Variants in DNASE1 observed in about 807,000 individuals in gnomAD.
DNASE1 encodes the protein deoxyribonuclease-1.
Under a neutral mutation model 33.9 loss-of-function variants are expected in DNASE1, and 40 were observed. That is an observed-to-expected ratio of 1.18 (90% CI 0.92 to 1.54). DNASE1 has a LOEUF of 1.54. Among genes scored for constraint, DNASE1 ranks in the 40% most tolerant of loss-of-function variants. The pLI is 0.00. For missense variants in DNASE1, 518 were observed against 372.6 expected (o/e 1.39, Z -3.21); for synonymous variants, 216 against 160.0 (o/e 1.35, Z -2.64).
intron 1 of DNASE1, among the ~76,000 whole-genome samples, chr16:3,649,596 C>A (rs1469980598): frequency 6.6e-6 from 1 of 152,212 alleles, no homozygotes; most frequent in African/African-American, 2.4e-5. Flanking sequence ...AAATCTAACT[C>A]AGGCATATGC....
intron 4 of DNASE1, 106 bp downstream of exon 4, chr16:3,656,291 G>T: frequency 8.0e-7 from 1 of 1,244,170 alleles, no homozygotes. Context: ...AGAACCTGAG[G>T]CTTCAGAGCA....
chr16:3,657,699 T>G (rs2042777753), intron 7 of DNASE1, 21 bp from the exon 8 acceptor site: 1 of 1,613,590 alleles, frequency 6.2e-7, no homozygotes, highest in Middle Eastern at 1.7e-4. Flanking sequence ...GAACCTACTT[T>G]CTCTTCCCAA....
At chr16:3,658,991 G>GTATGTTAATGATCATT, downstream of DNASE1, 1 of 878,172 alleles carries the variant, frequency 1.1e-6, no homozygotes, top group Non-Finnish European at 1.8e-6. Context: ...TTTAAATAAG[G>GTATGTTAATGATCATT]TATGTTAATG....
At chr16:3,661,880 C>T (rs1596684312), downstream of DNASE1, 2 of 1,386,032 alleles carry the variant, frequency 1.4e-6, no homozygotes, top group African/African-American at 1.5e-5. Flanking sequence ...CACATGTCCA[C>T]AGGCCTCACG....
intron 1 of DNASE1, among the ~76,000 whole-genome samples, chr16:3,627,968 G>A (rs904838954): frequency 6.9e-6 from 1 of 145,650 alleles, no homozygotes; most frequent in African/African-American, 2.5e-5. Flanking sequence ...AAAAGTCATT[G>A]GGATTTTGCT....
chr16:3,659,215 A>C (rs2042919502), downstream of DNASE1: 1 of 204,270 alleles, frequency 4.9e-6, no homozygotes. Context: ...ATAGGGCTCT[A>C]GTAAATAAAA....
At chr16:3,659,150 T>G, downstream of DNASE1, 1 of 327,852 alleles carries the variant, frequency 3.1e-6, no homozygotes. Flanking sequence ...CATGCCTTGG[T>G]TCCTAGATAA....
chr16:3,612,216 T>C (rs766204477), intron 1 of DNASE1, among the ~76,000 whole-genome samples: 1 of 150,666 alleles, frequency 6.6e-6, no homozygotes, highest in Non-Finnish European at 1.5e-5. Context: ...GGGTTTGAGC[T>C]TCAACTTGGG....
At chr16:3,618,085 C>CAA (rs71392849) in intron 1 of DNASE1, among the ~76,000 whole-genome samples, 1,172 of 104,130 alleles carry the variant, frequency 0.011, 12 homozygotes, top group Non-Finnish European at 0.017. Flanking sequence ...AAGCCAAGAC[C>CAA]AAAAAAAAAA....
chr16:3,657,208 T>C lies in DNASE1; in HGVS notation c.571T>C (p.Phe191Leu), dbSNP rs1266441271. 2.5e-6 allele frequency: 4 copies of C among 1,613,932 alleles called. No homozygotes were observed. In the African/African-American group the frequency reaches 5.3e-5, roughly 22 times the overall value. ...GLEDVMLMGD[F>L]NAGCSYVRPS... ...GTAGGACGTCATGTTGATGGGCGAC[T>C]TCAATGCGGGCTGCAGCTATGTGAG... The change falls in exon 7 of 9, where the codon TTC (phenylalanine) becomes CTC (leucine). Residue 191 changes from phenylalanine (F) to leucine (L), a missense_variant. Coordinates refer to ENST00000246949, the MANE Select transcript of DNASE1 (RefSeq NM_005223.4).
intron 1 of DNASE1, among the ~76,000 whole-genome samples, chr16:3,629,076 G>T (rs542232025): frequency 6.7e-6 from 1 of 149,660 alleles, no homozygotes; most frequent in Admixed American, 6.7e-5. Context: ...GGAAGCTGAG[G>T]CAGAAGAATT....
chr16:3,639,861 A>G (rs567403855), upstream of DNASE1, among the ~76,000 whole-genome samples: 1 of 152,350 alleles, frequency 6.6e-6, no homozygotes, highest in Admixed American at 6.5e-5. Context: ...CAGGAGTTCA[A>G]GACCAGCCTG....
chr16:3,612,088 C>A (rs1423793015), intron 1 of DNASE1: 1 of 152,154 alleles, frequency 6.6e-6, no homozygotes, highest in Non-Finnish European at 1.5e-5. Flanking sequence ...CTTCAGGTGC[C>A]TGGAGGGGAT....
chr16:3,617,822 A>G (rs1233732488), intron 1 of DNASE1, among the ~76,000 whole-genome samples: 1 of 152,104 alleles, frequency 6.6e-6, no homozygotes, highest in Non-Finnish European at 1.5e-5. Context: ...CCAAGAGAGA[A>G]ACCCCCTACC....
At chr16:3,662,482 C>T (rs762448435), downstream of DNASE1, 14 of 522,342 alleles carry the variant, frequency 2.7e-5, no homozygotes, top group Non-Finnish European at 4.2e-5. Flanking sequence ...CTGAGCTAGA[C>T]AGGTTGGTGG....
chr16:3,657,777 C>G lies in DNASE1; in HGVS notation c.762C>G (p.Pro254=). Residue 254 remains proline (P), a synonymous_variant, in exon 8 of 9, where the codon CCC becomes CCG. Transcript: ENST00000246949. ...RGAVVPDSAL[P]FNFQAAYGLS... ...CCGTTGTTCCCGACTCGGCTCTTCCCTTTAACTTCCAGGCTGCCTATGGCC... is the reference window on the plus strand; with the variant it reads ...CCGTTGTTCCCGACTCGGCTCTTCCGTTTAACTTCCAGGCTGCCTATGGCC... 1.2e-6 allele frequency: 2 copies of G among 1,614,042 alleles called. No individual in the cohort carries two copies. The highest frequency in any genetic ancestry group is 1.7e-6 in the Non-Finnish European group (2 of 1,179,996).
At chr16:3,641,262 A>C (rs2042014801), upstream of DNASE1, 1 of 258,502 alleles carries the variant, frequency 3.9e-6, no homozygotes, top group African/African-American at 2.2e-5. Context: ...TTACGTAGTG[A>C]GAGGTGAGAA....
At chr16:3,619,588 G>C (rs1350902167) in intron 1 of DNASE1, among the ~76,000 whole-genome samples, 3 of 145,700 alleles carry the variant, frequency 2.1e-5, no homozygotes, top group East Asian at 4.2e-4. Flanking sequence ...GTCTCTATCT[G>C]CGGACCTTGT....
rs770733416 is a variant in DNASE1, at chr16:3,655,387, A to G, written c.14A>G (p.Lys5Arg). 1.2e-5 allele frequency: 20 copies of G among 1,614,038 alleles called. No homozygotes were observed. The African/African-American group carries it at 2.5e-4, about 20-fold the overall frequency. ...TGCTCTCCCAGGATGAGGGGCATGA[A>G]GCTGCTGGGGGCGCTGCTGGCACTG... MRGMKLLGALLALAA... is the reference protein window; with the variant it reads MRGMRLLGALLALAA... Residue 5 changes from lysine to arginine, a missense_variant, in exon 2 of 9, where the codon AAG becomes AGG. Coordinates refer to ENST00000246949, the MANE Select transcript of DNASE1 (RefSeq NM_005223.4).
Sources: allele counts gnomAD v4.1 joint callset (sites outside exome capture counted in the v4.1 genomes callset), GRCh38; gene constraint gnomAD v4.1.1; transcripts MANE v1.5; gene names NCBI Gene and HGNC (gene_info 2026-07-23, HGNC 2026-07-21).